IFT56: variants seen among roughly 807,000 people sequenced by gnomAD.
The protein encoded by IFT56 is intraflagellar transport protein 56.
chr7:139,147,229 T>C, the IFT56 span: 4 of 1,613,712 alleles, frequency 2.5e-6, no homozygotes, highest in South Asian at 4.4e-5. Flanking sequence ...CTCAATCCAC[T>C]ATATGCGATC....
the IFT56 span, among the ~76,000 whole-genome samples, chr7:139,175,453 G>A: frequency 1.3e-5 from 2 of 152,128 alleles, no homozygotes; most frequent in African/African-American, 2.4e-5. Flanking sequence ...TCAAAATAGC[G>A]AAGAATTGGA....
chr7:139,165,089 A>G, the IFT56 span: 4 of 1,493,022 alleles, frequency 2.7e-6, no homozygotes, highest in Non-Finnish European at 2.8e-6. Context: ...CAATAAATAT[A>G]TACATCATTG....
chr7:139,143,837 G>A, the IFT56 span, among the ~76,000 whole-genome samples: 2 of 151,786 alleles, frequency 1.3e-5, no homozygotes, highest in Admixed American at 1.3e-4. Flanking sequence ...TGCTAGTTAT[G>A]TACATTGGGA....
chr7:139,169,264 T>C, the IFT56 span: 2 of 1,603,562 alleles, frequency 1.2e-6, no homozygotes, highest in Non-Finnish European at 1.7e-6. Context: ...CTTATTCCTC[T>C]ATATCAGCTC....
the IFT56 span, chr7:139,133,816 G>T: frequency 6.2e-7 from 1 of 1,614,092 alleles, no homozygotes; most frequent in Non-Finnish European, 8.5e-7. Context: ...GCTGAGGCGC[G>T]GCCTTCGCTG....
At chr7:139,150,314 A>G in the IFT56 span, among the ~76,000 whole-genome samples, 14 of 152,328 alleles carry the variant, frequency 9.2e-5, no homozygotes, top group South Asian at 2.3e-3. Context: ...TAAATGAAAT[A>G]CATTCTTGCC....
the IFT56 span, among the ~76,000 whole-genome samples, chr7:139,141,737 GC>G: frequency 6.6e-6 from 1 of 152,114 alleles, no homozygotes; most frequent in Non-Finnish European, 1.5e-5. Context: ...TTGCTGGACT[GC>G]CTGTTTCAGG....
the IFT56 span, chr7:139,133,858 A>C: frequency 6.2e-7 from 1 of 1,614,188 alleles, no homozygotes; most frequent in East Asian, 2.2e-5. Context: ...CGACGTCAAG[A>C]TGGTTAGTGG....
the IFT56 span, chr7:139,178,219 A>G: frequency 1.8e-5 from 29 of 1,613,660 alleles, no homozygotes; most frequent in East Asian, 3.8e-4. Context: ...TTCAGATACA[A>G]TACCAGGGAG....
the IFT56 span, chr7:139,178,583 C>G: frequency 1.2e-6 from 2 of 1,614,058 alleles, no homozygotes; most frequent in Non-Finnish European, 1.7e-6. Context: ...CAGGCAATAC[C>G]AGTGAGGGCG....
chr7:139,141,472 A>C, the IFT56 span, among the ~76,000 whole-genome samples: 1 of 152,116 alleles, frequency 6.6e-6, no homozygotes, highest in African/African-American at 2.4e-5. Flanking sequence ...CATAGGTACT[A>C]ATGTAGTTTT....
the IFT56 span, among the ~76,000 whole-genome samples, chr7:139,136,736 C>T: frequency 2.6e-5 from 4 of 152,310 alleles, no homozygotes; most frequent in South Asian, 8.3e-4. Context: ...TCCCAAAATG[C>T]TGGGATTACA....
the IFT56 span, among the ~76,000 whole-genome samples, chr7:139,177,240 A>G: frequency 4.0e-5 from 6 of 150,032 alleles, no homozygotes; most frequent in Admixed American, 6.7e-5. Context: ...GTGTGTGTGT[A>G]TATATATATA....
the IFT56 span, chr7:139,168,701 C>A: frequency 2.9e-6 from 1 of 346,538 alleles, no homozygotes. Context: ...TTATTTGCAG[C>A]GACTTTTTTT....
chr7:139,184,407 A>G, the IFT56 span, among the ~76,000 whole-genome samples: 1 of 152,216 alleles, frequency 6.6e-6, no homozygotes, highest in African/African-American at 2.4e-5. Context: ...ATTAACAGGG[A>G]ATAACAAGGA....
At chr7:139,169,404 A>T in the IFT56 span, 39 of 1,517,912 alleles carry the variant, frequency 2.6e-5, no homozygotes, top group African/African-American at 4.2e-4. Flanking sequence ...AGTGGGGCAT[A>T]TATTGACCGT....
chr7:139,175,099 T>C, the IFT56 span, among the ~76,000 whole-genome samples: 3 of 151,952 alleles, frequency 2.0e-5, no homozygotes, highest in African/African-American at 7.3e-5. Context: ...ACATCACTGA[T>C]CATCAGAGAA....
the IFT56 span, among the ~76,000 whole-genome samples, chr7:139,182,920 A>G: frequency 7.2e-5 from 11 of 152,212 alleles, no homozygotes; most frequent in African/African-American, 2.7e-4. Flanking sequence ...TAAGAGGTAG[A>G]GAATAGAGTC....
chr7:139,165,871 A>G, the IFT56 span, among the ~76,000 whole-genome samples: 25 of 152,344 alleles, frequency 1.6e-4, no homozygotes, highest in African/African-American at 4.8e-4. Context: ...ACCAACCAGG[A>G]CAACATATTC....
Sources: allele counts gnomAD v4.1 joint callset (sites outside exome capture counted in the v4.1 genomes callset), GRCh38; gene constraint gnomAD v4.1.1; transcripts MANE v1.5; gene names NCBI Gene and HGNC (gene_info 2026-07-23, HGNC 2026-07-21).